Variants in ACER3 observed in about 807,000 individuals in gnomAD.
The protein encoded by ACER3 is alkaline ceramidase 3.
Under a neutral mutation model 48.9 loss-of-function variants are expected in ACER3, and 16 were observed. The ratio of observed to expected loss-of-function variants is 0.33; its 90% CI spans 0.22 to 0.50. The LOEUF is 0.50. Among genes scored for constraint, ACER3 ranks in the 20% least tolerant of loss-of-function variants. ACER3 has a pLI of 0.98. For synonymous variants in ACER3, 109 were observed against 107.8 expected (o/e 1.01, Z -0.07); for missense variants, 227 against 326.0 (o/e 0.70, Z 2.34).
intron 1 of ACER3, among the ~76,000 whole-genome samples, chr11:76,875,107 CTTTTTTTTTTTTTTTT>C (rs10676364): frequency 6.4e-5 from 5 of 78,098 alleles, no homozygotes; most frequent in Non-Finnish European, 1.1e-4. Flanking sequence ...AAAAGCACTT[CTTTTTTTTTTTTTTTT>C]TTTTTTTTTT....
chr11:76,957,615 T>C, intron 2 of ACER3: 1 of 279,572 alleles, frequency 3.6e-6, no homozygotes, highest in Non-Finnish European at 7.2e-6. Flanking sequence ...GGCTAATTTT[T>C]ATATTTTTAG....
At chr11:76,952,616 G>T (rs554734642) in intron 2 of ACER3, among the ~76,000 whole-genome samples, 1 of 148,276 alleles carries the variant, frequency 6.7e-6, no homozygotes, top group Admixed American at 6.7e-5. Context: ...GAAAAAACTT[G>T]AAAGAAACAA....
At chr11:76,980,206 G>A (rs1445302453) in intron 4 of ACER3, among the ~76,000 whole-genome samples, 1 of 152,092 alleles carries the variant, frequency 6.6e-6, no homozygotes, top group Admixed American at 6.6e-5. Context: ...TGGCTCTTGA[G>A]CCATAGTTTG....
chr11:76,934,416 G>A (rs987098399), intron 2 of ACER3, among the ~76,000 whole-genome samples: 3 of 152,312 alleles, frequency 2.0e-5, no homozygotes, highest in East Asian at 1.9e-4. Flanking sequence ...CTGAGTGAAC[G>A]AGACTCCGTC....
chr11:76,987,412 A>G (rs1160459627), intron 5 of ACER3, among the ~76,000 whole-genome samples: 2 of 152,184 alleles, frequency 1.3e-5, no homozygotes, highest in African/African-American at 4.8e-5. Context: ...AAAACAGGAA[A>G]CTTGGAGGAT....
At chr11:76,962,927 T>A (rs1948034890) in intron 3 of ACER3, among the ~76,000 whole-genome samples, 1 of 151,294 alleles carries the variant, frequency 6.6e-6, no homozygotes, top group Non-Finnish European at 1.5e-5. Flanking sequence ...GAAAAATTAG[T>A]TAGGTAAACG....
At chr11:76,899,174 A>G (rs907889901) in intron 1 of ACER3, among the ~76,000 whole-genome samples, 1 of 152,208 alleles carries the variant, frequency 6.6e-6, no homozygotes, top group African/African-American at 2.4e-5. Flanking sequence ...ATGAAAAACA[A>G]CACTACTAAT....
chr11:76,869,637 C>T (rs959163714), intron 1 of ACER3, among the ~76,000 whole-genome samples: 3 of 150,458 alleles, frequency 2.0e-5, no homozygotes, highest in African/African-American at 7.4e-5. Flanking sequence ...TTAAACAACT[C>T]CCCGTTTTCT....
chr11:76,951,492 A>T (rs565766313), intron 2 of ACER3, among the ~76,000 whole-genome samples: 1 of 152,292 alleles, frequency 6.6e-6, no homozygotes, highest in East Asian at 1.9e-4. Flanking sequence ...ACTAGAGAGA[A>T]AGTGACCAAA....
intron 10 of ACER3, 103 bp from the exon 11 acceptor site, chr11:77,020,171 C>T: frequency 8.2e-7 from 1 of 1,221,314 alleles, no homozygotes; most frequent in Non-Finnish European, 1.2e-6. Flanking sequence ...ACTAGCAAAC[C>T]TACGTATAGT....
chr11:76,895,603 TTC>T (rs1945908528), intron 1 of ACER3, among the ~76,000 whole-genome samples: 1 of 152,200 alleles, frequency 6.6e-6, no homozygotes, highest in Admixed American at 6.5e-5. Flanking sequence ...ACTTTTTAGC[TTC>T]TCTATTTCCC....
In ACER3 at chr11:76,936,574, A is replaced by G. The variant is rs1158590102; in HGVS notation, c.214+9907A>G. The stretch of plus-strand genomic sequence containing the variant: ...ATAAAAAAAACTTTTGTTATATAAC[A>G]TTTACGTTGTATTAAAAAATAAAGT... On this transcript the variant is annotated intron_variant, in intron 2 of 10. Coordinates refer to ENST00000532485, the MANE Select transcript of ACER3 (RefSeq NM_018367.7). Among the ~76,000 whole-genome samples, 4 of 152,282 alleles carry G rather than the reference A, an allele frequency of 2.6e-5. No individual in the cohort carries two copies. The East Asian group carries it at 7.7e-4, about 29-fold the overall frequency.
At chr11:76,977,225 C>A (rs1321002647) in intron 4 of ACER3, among the ~76,000 whole-genome samples, 1 of 152,198 alleles carries the variant, frequency 6.6e-6, no homozygotes, top group East Asian at 1.9e-4. Flanking sequence ...CTCTAAGGAA[C>A]ACTGAAATAT....
chr11:76,894,909 G>C (rs945007733), intron 1 of ACER3, among the ~76,000 whole-genome samples: 3 of 152,190 alleles, frequency 2.0e-5, no homozygotes, highest in African/African-American at 7.2e-5. Context: ...TTCATCTCTG[G>C]ATTGAATCAC....
At chr11:76,963,263 A>C (rs1415474109) in intron 3 of ACER3, among the ~76,000 whole-genome samples, 1 of 151,416 alleles carries the variant, frequency 6.6e-6, no homozygotes, top group Non-Finnish European at 1.5e-5. Flanking sequence ...AAAAAGTTTC[A>C]CTTTATGCTT....
In ACER3 at chr11:77,024,653, T is replaced by C. The variant is rs528689329; in HGVS notation, c.*4326T>C. 3.9e-5 allele frequency: 6 copies of C among 152,342 alleles called. No homozygotes were observed. The East Asian group carries it at 1.2e-3, about 29-fold the overall frequency. The allele number at this position is 152,342 out of a possible 1,614,324, so 9.4% of individuals were successfully genotyped here. A position where few individuals can be genotyped will look rare whatever the true frequency, so the allele number is the denominator to read the frequency against. On this transcript the variant is annotated 3_prime_UTR_variant, in exon 11 of 11. Transcript: ENST00000532485. ...AGATCATTCAAGAACTTAAGTCGTTTGTTAGCTACAGCATTTCCATTGCTG... is the reference window on the plus strand; with the variant it reads ...AGATCATTCAAGAACTTAAGTCGTTCGTTAGCTACAGCATTTCCATTGCTG...
intron 2 of ACER3, among the ~76,000 whole-genome samples, chr11:76,945,611 T>C (rs938439156): frequency 6.6e-6 from 1 of 152,092 alleles, no homozygotes; most frequent in African/African-American, 2.4e-5. Flanking sequence ...GTAGGCTGTG[T>C]GTCAGTTTTT....
chr11:76,988,513 G>A (rs1320330815), intron 5 of ACER3, among the ~76,000 whole-genome samples: 1 of 152,088 alleles, frequency 6.6e-6, no homozygotes, highest in Non-Finnish European at 1.5e-5. Context: ...GAGCGAAGGG[G>A]GAAGAAGCTC....
At chr11:76,909,465 G>A (rs1201721839) in intron 1 of ACER3, among the ~76,000 whole-genome samples, 1 of 152,162 alleles carries the variant, frequency 6.6e-6, no homozygotes, top group Non-Finnish European at 1.5e-5. Flanking sequence ...CAAAGGATGT[G>A]AGCAGACACT....
Sources: allele counts gnomAD v4.1 joint callset (sites outside exome capture counted in the v4.1 genomes callset), GRCh38; gene constraint gnomAD v4.1.1; transcripts MANE v1.5; gene names NCBI Gene and HGNC (gene_info 2026-07-23, HGNC 2026-07-21).